Variants in CDKN2B-AS1 observed in about 807,000 individuals in gnomAD.
CDKN2B-AS1 encodes CDKN2B antisense RNA 1 (non-protein coding).
chr9:22,060,803 G>A (rs1411437342), intron 4 of CDKN2B-AS1, among the ~76,000 whole-genome samples: 1 of 152,120 alleles, frequency 6.6e-6, no homozygotes, highest in Admixed American at 6.5e-5. Context: ...ATGTGGCAGT[G>A]GCAAGAGTAA....
chr9:22,034,512 A>G (rs1822606248), intron 1 of CDKN2B-AS1, among the ~76,000 whole-genome samples: 1 of 152,180 alleles, frequency 6.6e-6, no homozygotes, highest in Non-Finnish European at 1.5e-5. Context: ...TCTGAAACGC[A>G]ACTATTCTTT....
At chr9:22,105,038 G>T (rs1333332524) in intron 4 of CDKN2B-AS1, among the ~76,000 whole-genome samples, 1 of 152,110 alleles carries the variant, frequency 6.6e-6, no homozygotes, top group Non-Finnish European at 1.5e-5. Flanking sequence ...TCAGCCTTAG[G>T]TATTCTGACT....
chr9:22,103,415 A>G (rs1172247274), intron 4 of CDKN2B-AS1, among the ~76,000 whole-genome samples: 1 of 152,132 alleles, frequency 6.6e-6, no homozygotes, highest in East Asian at 1.9e-4. Flanking sequence ...TCTGGGCTAC[A>G]GCTGGGGGTT....
chr9:22,081,229 C>T (rs1282725177), intron 4 of CDKN2B-AS1, among the ~76,000 whole-genome samples: 1 of 149,890 alleles, frequency 6.7e-6, no homozygotes, highest in Middle Eastern at 3.2e-3. Flanking sequence ...GGTTGTGCCC[C>T]AAGTTACTTA....
intron 4 of CDKN2B-AS1, among the ~76,000 whole-genome samples, chr9:22,094,378 G>T (rs1017105543): frequency 6.9e-5 from 10 of 144,200 alleles, no homozygotes; most frequent in Non-Finnish European, 1.2e-4. Context: ...TTGCTAGATT[G>T]GGGAAGTTCT....
chr9:22,062,976 GAC>G (rs534087244), intron 4 of CDKN2B-AS1, among the ~76,000 whole-genome samples: 1 of 125,294 alleles, frequency 8.0e-6, no homozygotes, highest in Non-Finnish European at 1.7e-5. Context: ...GTGAAAGACA[GAC>G]ACACACACAT....
intron 4 of CDKN2B-AS1, among the ~76,000 whole-genome samples, chr9:22,087,902 C>T (rs1449849356): frequency 6.6e-6 from 1 of 152,046 alleles, no homozygotes; most frequent in African/African-American, 2.4e-5. Flanking sequence ...TAAATATTTG[C>T]CAGATATAGT....
At chr9:22,096,630 C>G (rs1447280285) in intron 4 of CDKN2B-AS1, 1 of 152,228 alleles carries the variant, frequency 6.6e-6, no homozygotes, top group Non-Finnish European at 1.5e-5. Context: ...AGTATGACCT[C>G]TCAAGGACCT....
intron 4 of CDKN2B-AS1, among the ~76,000 whole-genome samples, chr9:22,064,524 T>G (rs147857479): frequency 2.0e-5 from 3 of 152,324 alleles, no homozygotes; most frequent in African/African-American, 7.2e-5. Context: ...TTGACTTTCT[T>G]TCAGCATATG....
rs1820739866 is a variant in CDKN2B-AS1 at position 21,997,482 on chromosome 9, A to AGG, written n.29+2322_29+2323insGG. 1.4e-5 allele frequency among the ~76,000 whole-genome samples: 2 copies of AGG among 147,966 alleles called. No individual in the cohort carries two copies. Among genetic ancestry groups the AGG allele is most frequent in the Non-Finnish European group, 3.0e-5 (2 of 66,810 alleles). On this transcript the variant is annotated intron_variant and non_coding_transcript_variant, in intron 1 of 4. Transcript: ENST00000650946. The surrounding 1 kb of genome is among the most constrained non-coding windows in gnomAD (Gnocchi z 4.8). ...GTGGGGGAGAGAAAGAGAGGGAGGG[A>AGG]GAGAGAGAGAGAGAGAGAGAGAAAG...
At chr9:22,027,641 A>G (rs947063170) in intron 1 of CDKN2B-AS1, among the ~76,000 whole-genome samples, 3 of 152,178 alleles carry the variant, frequency 2.0e-5, no homozygotes, top group African/African-American at 7.2e-5. Flanking sequence ...CCAATTTATC[A>G]AATAGCCATT....
intron 1 of CDKN2B-AS1, among the ~76,000 whole-genome samples, chr9:22,007,795 ATAAT>A (rs1418190413): frequency 6.6e-6 from 1 of 152,180 alleles, no homozygotes; most frequent in African/African-American, 2.4e-5. Flanking sequence ...ACTTGTTTTT[ATAAT>A]TATTAATAAA....
intron 4 of CDKN2B-AS1, among the ~76,000 whole-genome samples, chr9:22,064,403 G>C (rs1823951635): frequency 6.6e-6 from 1 of 152,156 alleles, no homozygotes; most frequent in South Asian, 2.1e-4. Flanking sequence ...GCTTATTGGG[G>C]ATGGGGTCTT....
chr9:22,078,131 G>C (rs755520277), intron 4 of CDKN2B-AS1, among the ~76,000 whole-genome samples: 1 of 151,926 alleles, frequency 6.6e-6, no homozygotes, highest in African/African-American at 2.4e-5. Context: ...ATTTCTTATA[G>C]TGTCTTGAAC....
exon 5 of CDKN2B-AS1, among the ~76,000 whole-genome samples, chr9:22,127,688 G>A (rs73443214): frequency 6.6e-6 from 1 of 152,016 alleles, no homozygotes; most frequent in Non-Finnish European, 1.5e-5. Flanking sequence ...GAGACAGGAG[G>A]GTCCCAAATA....
rs1000479752 is a variant in CDKN2B-AS1, at chr9:22,006,429, A to ACC, written n.29+11271_29+11272dup. Among the ~76,000 whole-genome samples the ACC allele has an allele frequency of 6.6e-6, 1 of 151,962 alleles. No individual in the cohort carries two copies. Among genetic ancestry groups the ACC allele is most frequent in the African/African-American group, 2.4e-5 (1 of 41,348 alleles). ...ATTTGCTGATGCAATCCACTTTCCC[A>ACC]CCCCACCTTCAGGTTATACTCAGTA... is the stretch of plus-strand genomic sequence containing the variant. On this transcript the variant is annotated intron_variant and non_coding_transcript_variant, in intron 1 of 4. Coordinates refer to ENST00000650946, the Ensembl canonical transcript of CDKN2B-AS1. This position sits in a 1 kb window ranked among gnomAD's most constrained non-coding sequence, Gnocchi z 6.4.
intron 4 of CDKN2B-AS1, among the ~76,000 whole-genome samples, chr9:22,076,277 C>T (rs900574249): frequency 6.6e-6 from 1 of 152,078 alleles, no homozygotes; most frequent in Non-Finnish European, 1.5e-5. Context: ...TGGTCTTGAA[C>T]TCCTGACCTC....
At chr9:22,118,218 T>C (rs1323107766) in intron 4 of CDKN2B-AS1, 1 of 152,116 alleles carries the variant, frequency 6.6e-6, no homozygotes, top group East Asian at 1.9e-4. Flanking sequence ...GCTGTGCGAA[T>C]AGGCTCACTC....
In CDKN2B-AS1 at chr9:22,012,408, T is replaced by C. The variant is rs1821548315; in HGVS notation, n.29+17247T>C. On this transcript the variant is annotated intron_variant and non_coding_transcript_variant, in intron 1 of 4. Transcript: ENST00000650946. ...ATTATTGAGCCTTCACTCTTCCAGC[T>C]CACCTAGAAATACAGCTGAAACAAG... The C allele has an allele frequency of 3.8e-6, 3 of 794,570 alleles. No individual in the cohort carries two copies. In the East Asian group the frequency reaches 7.5e-5, roughly 20 times the overall value. The allele number at this position is 794,570 out of a possible 1,614,324, so 49.2% of individuals were successfully genotyped here. A position where few individuals can be genotyped will look rare whatever the true frequency, so the allele number is the denominator to read the frequency against.
Sources: gnomAD v4.1 joint callset for allele counts (sites outside exome capture counted in the v4.1 genomes callset) on GRCh38, gnomAD v4.1.1 for gene constraint, Gnocchi (gnomAD v3.1) non-coding constraint, MANE v1.5 for transcripts, NCBI Gene and HGNC (gene_info 2026-07-23, HGNC 2026-07-21) for gene names.